The following PPP1R12A variants were observed in gnomAD, a reference collection of about 807,000 sequenced individuals.
PPP1R12A encodes the protein myosin binding subunit.
Under a neutral mutation model 139.6 loss-of-function variants are expected in PPP1R12A, and 19 were observed. The observed-to-expected ratio is 0.14, with a 90% CI of 0.09 to 0.20. The LOEUF (loss-of-function observed/expected upper bound fraction) is 0.20. Among genes scored for constraint, PPP1R12A ranks in the 10% least tolerant of loss-of-function variants. The pLI is 1.00. For synonymous variants in PPP1R12A, 427 were observed against 420.6 expected, an observed-to-expected ratio of 1.02 and a Z score of -0.19; for missense variants, 925 against 1,211.5, an observed-to-expected ratio of 0.76 and a Z score of 3.51.
intron 1 of PPP1R12A, among the ~76,000 whole-genome samples, chr12:79,924,326 T>C (rs1565819552): frequency 6.6e-6 from 1 of 152,224 alleles, no homozygotes; most frequent in Non-Finnish European, 1.5e-5. Context: ...GAATATGTCA[T>C]CTGTCCAAAC....
At chr12:79,883,466 A>C (rs1006704459) in intron 1 of PPP1R12A, among the ~76,000 whole-genome samples, 6 of 152,072 alleles carry the variant, frequency 3.9e-5, no homozygotes, top group Admixed American at 3.9e-4. Flanking sequence ...TTAGGAGGAA[A>C]TGTTCAAGGT....
chr12:79,821,890 CAT>C (rs1307147500), intron 6 of PPP1R12A, among the ~76,000 whole-genome samples: 2 of 151,798 alleles, frequency 1.3e-5, no homozygotes, highest in Non-Finnish European at 2.9e-5. Flanking sequence ...TTCTTGAGGA[CAT>C]ATATGAGTAT....
chr12:79,815,887 T>C (rs909150873), intron 9 of PPP1R12A, among the ~76,000 whole-genome samples: 2 of 152,228 alleles, frequency 1.3e-5, no homozygotes, highest in East Asian at 1.9e-4. Flanking sequence ...ATTCAAACTA[T>C]GTACCAATGA....
intron 12 of PPP1R12A, chr12:79,806,685 T>C: frequency 5.3e-6 from 1 of 187,220 alleles, no homozygotes; most frequent in South Asian, 1.5e-4. Context: ...ACGTTGACAT[T>C]TTTTTGAAGG....
chr12:79,807,458 AATCAAGAAGAT>A, intron 11 of PPP1R12A, 128 bp from the exon 12 acceptor site: 1 of 604,016 alleles, frequency 1.7e-6, no homozygotes, highest in South Asian at 2.0e-5. Flanking sequence ...TAGGAATACT[AATCAAGAAGAT>A]AAAGTAATTT....
intron 1 of PPP1R12A, among the ~76,000 whole-genome samples, chr12:79,904,228 GA>G (rs1275609567): frequency 6.6e-6 from 1 of 151,572 alleles, no homozygotes; most frequent in African/African-American, 2.4e-5. Flanking sequence ...AAAAAAAAAG[GA>G]GTGTATCCCT....
intron 1 of PPP1R12A, among the ~76,000 whole-genome samples, chr12:79,914,743 A>G (rs1886857101): frequency 6.6e-6 from 1 of 152,102 alleles, no homozygotes. Flanking sequence ...GAAATCTGGA[A>G]TTAGAACTCA....
At chr12:79,892,878 C>T (rs931351758) in intron 1 of PPP1R12A, among the ~76,000 whole-genome samples, 2 of 152,024 alleles carry the variant, frequency 1.3e-5, no homozygotes, top group African/African-American at 2.4e-5. Flanking sequence ...CCAAGGTGGG[C>T]GGATCACTTG....
At chr12:79,890,886 ACCACCCACCCACAC>A (rs1321929540) in intron 1 of PPP1R12A, among the ~76,000 whole-genome samples, 149 of 115,132 alleles carry the variant, frequency 1.3e-3, no homozygotes, top group African/African-American at 5.8e-3. Flanking sequence ...ATACACACAC[ACCACCCACCCACAC>A]CCACCCACAC....
At chr12:79,872,682 T>C in intron 2 of PPP1R12A, 126 bp downstream of exon 2, 1 of 1,089,600 alleles carries the variant, frequency 9.2e-7, no homozygotes, top group Non-Finnish European at 1.3e-6. Flanking sequence ...ATTTTCTTTC[T>C]TGGAAAGAAT....
At chr12:79,907,236 A>G (rs980799330) in intron 1 of PPP1R12A, among the ~76,000 whole-genome samples, 1 of 152,178 alleles carries the variant, frequency 6.6e-6, no homozygotes, top group Non-Finnish European at 1.5e-5. Context: ...ATTATTAAGA[A>G]CAGGCAGACT....
chr12:79,779,590 T>C, intron 23 of PPP1R12A: 1 of 336,150 alleles, frequency 3.0e-6, no homozygotes, highest in Non-Finnish European at 5.9e-6. Flanking sequence ...AGAAACATTA[T>C]TTTCAATACA....
intron 1 of PPP1R12A, among the ~76,000 whole-genome samples, chr12:79,902,286 ATGCTTAACC>A (rs1592799555): frequency 6.6e-6 from 1 of 152,192 alleles, no homozygotes; most frequent in African/African-American, 2.4e-5. Flanking sequence ...ATCAGTACCG[ATGCTTAACC>A]TGAAAATATG....
chr12:79,877,355 G>A (rs1369301169), intron 1 of PPP1R12A, among the ~76,000 whole-genome samples: 1 of 152,002 alleles, frequency 6.6e-6, no homozygotes, highest in Non-Finnish European at 1.5e-5. Flanking sequence ...TTTTTCACAG[G>A]GCAGTGGTTA....
chr12:79,847,153 T>A (rs920702607), intron 2 of PPP1R12A, among the ~76,000 whole-genome samples: 14 of 152,172 alleles, frequency 9.2e-5, no homozygotes, highest in Admixed American at 6.5e-5. Flanking sequence ...TTCCAGTACC[T>A]CTGCCATAAA....
At chr12:79,927,594 T>G (rs1257013684) in intron 1 of PPP1R12A, among the ~76,000 whole-genome samples, 5 of 152,226 alleles carry the variant, frequency 3.3e-5, no homozygotes, top group Admixed American at 2.6e-4. Context: ...AAGAATATTT[T>G]CTTCTTCAGA....
chr12:79,827,860 G>A (rs1284426407), intron 5 of PPP1R12A, among the ~76,000 whole-genome samples: 4 of 152,078 alleles, frequency 2.6e-5, no homozygotes, highest in Non-Finnish European at 5.9e-5. Flanking sequence ...GTCATCACCT[G>A]CTGTAAGACC....
In PPP1R12A at chr12:79,775,624, T is replaced by A; in HGVS notation, c.*305A>T. ...CTGAGGCATATCTGGCCTTGAACACTTTCCTTATATGCTGGAGCTGTAAAC... is the reference window on the plus strand; with the variant it reads ...CTGAGGCATATCTGGCCTTGAACACATTCCTTATATGCTGGAGCTGTAAAC... On this transcript the variant is annotated 3_prime_UTR_variant, in exon 25 of 25. Coordinates refer to ENST00000450142, the MANE Select transcript of PPP1R12A (RefSeq NM_002480.3). 5.0e-6 allele frequency: 1 copy of A among 200,924 alleles called. No individual in the cohort carries two copies. The highest frequency in any genetic ancestry group is 5.9e-5 in the Admixed American group (1 of 17,062). 12.4% of individuals were successfully genotyped at this position (200,924 alleles called of 1,614,324 possible).
In PPP1R12A at chr12:79,875,111, T is replaced by G. The variant is rs1463874900; in HGVS notation, c.238-2173A>C. On this transcript the variant is annotated intron_variant, in intron 1 of 24. Coordinates refer to ENST00000450142, the MANE Select transcript of PPP1R12A (RefSeq NM_002480.3). ...TACCTATGTTCTACCTCTACTAGAT[T>G]GTAAACTCCATAATTTTCAGATTAG... 2.0e-5 allele frequency among the ~76,000 whole-genome samples: 3 copies of G among 152,220 alleles called. No homozygotes were observed. In the East Asian group the frequency reaches 5.8e-4, roughly 29 times the overall value.
Sources: allele counts gnomAD v4.1 joint callset (sites outside exome capture counted in the v4.1 genomes callset), GRCh38; gene constraint gnomAD v4.1.1; transcripts MANE v1.5; gene names NCBI Gene and HGNC (gene_info 2026-07-23, HGNC 2026-07-21).